The following GABRB3 variants were observed in gnomAD, a reference collection of about 807,000 sequenced individuals.
The protein encoded by GABRB3 is gamma-aminobutyric acid receptor subunit beta-3.
A neutral mutation model predicts 52.1 loss-of-function variants in GABRB3; 14 were observed. That is an observed-to-expected ratio of 0.27 (90% CI 0.18 to 0.42). The LOEUF is 0.42. Ranked by LOEUF, GABRB3 falls within the 10% of genes least tolerant of loss-of-function variation. GABRB3 has a pLI of 1.00. For synonymous variants in GABRB3, 260 were observed against 232.3 expected (o/e 1.12, Z -1.08); for missense variants, 307 against 609.1 (o/e 0.50, Z 5.22).
intron 3 of GABRB3, among the ~76,000 whole-genome samples, chr15:26,674,587 C>T (rs1339288746): frequency 6.6e-6 from 1 of 151,630 alleles, no homozygotes; most frequent in African/African-American, 2.4e-5. Context: ...AAAAAAATAA[C>T]AAACAAATCC....
intron 3 of GABRB3, chr15:26,658,350 T>C (rs1428694094): frequency 1.3e-5 from 2 of 152,206 alleles, no homozygotes; most frequent in Admixed American, 6.5e-5. Context: ...TCTAGCAGGC[T>C]CTGTGTGCAT....
rs5811444 is a variant in GABRB3 at position 26,732,292 on chromosome 15, AGATGGATGGATGGATGGATG to A, written c.240+40090_240+40109del. Among the ~76,000 whole-genome samples the A allele has an allele frequency of 4.5e-3, 663 of 146,918 alleles. 3 individuals are homozygous for A. Among genetic ancestry groups the A allele is most frequent in the Non-Finnish European group, 6.3e-3 (422 of 66,844 alleles). On this transcript the variant is annotated intron_variant, in intron 3 of 8. Transcript: ENST00000311550. The stretch of plus-strand genomic sequence containing the variant: ...TGGATGGATGAATAGATGGATGGAT[AGATGGATGGATGGATGGATG>A]GATGGATGGATGGATGGATGGATGG...
rs1330722512 is a variant in GABRB3 at position 26,545,615 on chromosome 15, A to T, written c.*2178T>A. The T allele has an allele frequency of 6.6e-6, 1 of 152,486 alleles. No individual in the cohort carries two copies. The highest frequency in any genetic ancestry group is 2.4e-5 in the African/African-American group (1 of 41,426). The allele number at this position is 152,486 out of a possible 1,614,324, so 9.4% of individuals were successfully genotyped here. A position where few individuals can be genotyped will look rare whatever the true frequency, so the allele number is the denominator to read the frequency against. ...ACCTTTAATTACTGGATACAGAAAA[A>T]GATACCTGAAGTATTGAAAGGGATA... On this transcript the variant is annotated 3_prime_UTR_variant, in exon 9 of 9. Transcript: ENST00000311550.
chr15:26,633,982 A>C (rs1377548179), intron 3 of GABRB3, among the ~76,000 whole-genome samples: 1 of 152,214 alleles, frequency 6.6e-6, no homozygotes, highest in East Asian at 1.9e-4. Context: ...TCAGTCAGGT[A>C]CAACAAAGTG....
chr15:26,655,313 C>T (rs1016014794), intron 3 of GABRB3, among the ~76,000 whole-genome samples: 1 of 152,028 alleles, frequency 6.6e-6, no homozygotes, highest in African/African-American at 2.4e-5. Context: ...TTATTTAACC[C>T]ACCTCCCTTT....
chr15:26,683,902 T>C (rs911919679), intron 3 of GABRB3, among the ~76,000 whole-genome samples: 15 of 152,076 alleles, frequency 9.9e-5, no homozygotes, highest in African/African-American at 3.6e-4. Context: ...TGCTGTGACG[T>C]TTCCATAACT....
At chr15:26,702,526 G>A (rs757813084) in intron 3 of GABRB3, among the ~76,000 whole-genome samples, 5 of 152,278 alleles carry the variant, frequency 3.3e-5, no homozygotes, top group East Asian at 1.9e-4. Flanking sequence ...AAATCTACTC[G>A]AGTGGCTAAT....
rs1595424784 is a variant in GABRB3, at chr15:26,544,302, T to G, written c.*3491A>C. ...TGAAAATGAACACCTACAACTGCAATGTGCCTGTCCCCTTAAAACCAGCCC... is the reference window on the plus strand; with the variant it reads ...TGAAAATGAACACCTACAACTGCAAGGTGCCTGTCCCCTTAAAACCAGCCC... On this transcript the variant is annotated 3_prime_UTR_variant, in exon 9 of 9. Coordinates refer to ENST00000311550, the MANE Select transcript of GABRB3 (RefSeq NM_000814.6). 1 of 152,568 alleles carries G rather than the reference T, an allele frequency of 6.6e-6. No individual in the cohort carries two copies. The highest frequency in any genetic ancestry group is 1.9e-4 in the East Asian group (1 of 5,176). The allele number at this position is 152,568 out of a possible 1,614,324, so 9.5% of individuals were successfully genotyped here.
At chr15:26,561,924 T>G (rs932510541) in intron 7 of GABRB3, among the ~76,000 whole-genome samples, 10 of 152,246 alleles carry the variant, frequency 6.6e-5, no homozygotes, top group Non-Finnish European at 1.5e-4. Context: ...CCCACCATAC[T>G]CTGGCGCAAC....
chr15:26,589,218 T>C (rs867829873), intron 4 of GABRB3, among the ~76,000 whole-genome samples: 3 of 152,358 alleles, frequency 2.0e-5, no homozygotes, highest in South Asian at 2.1e-4. Context: ...ATGCAAACTC[T>C]TCATGAATTG....
chr15:26,581,390 C>A (rs970377925), intron 5 of GABRB3, among the ~76,000 whole-genome samples: 1 of 152,156 alleles, frequency 6.6e-6, no homozygotes, highest in Non-Finnish European at 1.5e-5. Context: ...AGTTGCTCCC[C>A]ACAGCTAATG....
At chr15:26,721,483 C>T (rs992598516) in intron 3 of GABRB3, among the ~76,000 whole-genome samples, 3 of 151,992 alleles carry the variant, frequency 2.0e-5, no homozygotes, top group Admixed American at 1.3e-4. Context: ...CTCCCTTCTT[C>T]GTTTCAGCAG....
chr15:26,574,212 A>G (rs1296908660), intron 6 of GABRB3, among the ~76,000 whole-genome samples: 1 of 152,194 alleles, frequency 6.6e-6, no homozygotes, highest in East Asian at 1.9e-4. Context: ...CAAGACCACA[A>G]TGAGATACCA....
chr15:26,557,341 G>A (rs2140670469), intron 8 of GABRB3, among the ~76,000 whole-genome samples: 1 of 152,218 alleles, frequency 6.6e-6, no homozygotes, highest in South Asian at 2.1e-4. Flanking sequence ...TCATTACCTG[G>A]GTGAGGAAAT....
chr15:26,752,949 A>C (rs1433778607), intron 3 of GABRB3, among the ~76,000 whole-genome samples: 1 of 152,198 alleles, frequency 6.6e-6, no homozygotes, highest in African/African-American at 2.4e-5. Context: ...CAATCAAAAT[A>C]GCATCACTAC....
At chr15:26,726,131 C>CTGAA (rs58824547) in intron 3 of GABRB3, among the ~76,000 whole-genome samples, 137,588 of 151,896 alleles carry the variant, frequency 0.91, 62,417 homozygotes, top group East Asian at 1. Flanking sequence ...CTTGGGGATA[C>CTGAA]TGAACTGTAC....
intron 3 of GABRB3, among the ~76,000 whole-genome samples, chr15:26,755,050 C>CTGGA (rs758486298): frequency 6.9e-6 from 1 of 145,290 alleles, no homozygotes; most frequent in Non-Finnish European, 1.5e-5. Flanking sequence ...TGTCACCAGG[C>CTGGA]TGGAGTGCAG....
chr15:26,723,862 C>T lies in GABRB3; in HGVS notation c.240+48540G>A, dbSNP rs143602713. ...TTCACAAAGAAAAACTTATCAGACACGTGATGTAAACCAATTGTACCAGTG... is the reference window on the plus strand; with the variant it reads ...TTCACAAAGAAAAACTTATCAGACATGTGATGTAAACCAATTGTACCAGTG... On this transcript the variant is annotated intron_variant, in intron 3 of 8. Transcript: ENST00000311550. Among the ~76,000 whole-genome samples the T allele has an allele frequency of 4.0e-3, 604 of 152,146 alleles. 4 individuals carry two copies. The highest frequency in any genetic ancestry group is 0.012 in the African/African-American group (505 of 41,514).
chr15:26,562,110 G>A (rs527385826), intron 7 of GABRB3, among the ~76,000 whole-genome samples: 2 of 152,268 alleles, frequency 1.3e-5, no homozygotes, highest in African/African-American at 4.8e-5. Flanking sequence ...ATCATCTGAG[G>A]CCATAGACAC....
Sources: gnomAD v4.1 joint callset for allele counts (sites outside exome capture counted in the v4.1 genomes callset) on GRCh38, gnomAD v4.1.1 for gene constraint, MANE v1.5 for transcripts, NCBI Gene and HGNC (gene_info 2026-07-23, HGNC 2026-07-21) for gene names.